The following ACADVL variants were observed in gnomAD, a reference collection of about 807,000 sequenced individuals.
ACADVL encodes very long-chain acyl-CoA dehydrogenase, mitochondrial.
In ACADVL, 73 loss-of-function variants were observed where a neutral mutation model predicts 80.4. The ratio of observed to expected loss-of-function variants is 0.91; its 90% CI spans 0.75 to 1.10. The LOEUF (loss-of-function observed/expected upper bound fraction) is 1.10, where lower values mean the gene tolerates loss of function less well. Among genes scored for constraint, ACADVL ranks in the 50% least tolerant of loss-of-function variants. ACADVL has a pLI of 0.00. For missense variants in ACADVL, 878 were observed against 858.9 expected (o/e 1.02, Z -0.28); for synonymous variants, 392 against 326.5 (o/e 1.20, Z -2.16).
At chr17:7,221,882 A>AT in intron 7 of ACADVL, 70 bp from the exon 8 acceptor site, 2 of 1,611,832 alleles carry the variant, frequency 1.2e-6, no homozygotes, top group South Asian at 2.2e-5. Context: ...TGCTGGAGGG[A>AT]TGGGGAAGTG....
intron 9 of ACADVL, 51 bp downstream of exon 9, chr17:7,222,353 T>C: frequency 1.3e-6 from 2 of 1,599,994 alleles, no homozygotes; most frequent in African/African-American, 1.3e-5. Flanking sequence ...AGGACTGGGC[T>C]CCTGGGCAGA....
At chr17:7,217,622 A>C, upstream of ACADVL, 1 of 1,223,376 alleles carries the variant, frequency 8.2e-7, no homozygotes, top group Non-Finnish European at 1.1e-6. Context: ...AAGGGGAGAG[A>C]GGAGGAGAGA....
chr17:7,219,342 A>G, upstream of ACADVL: 1 of 944,108 alleles, frequency 1.1e-6, no homozygotes, highest in Non-Finnish European at 1.3e-6. Flanking sequence ...ACAGAAGGGA[A>G]TGTTCAGGAA....
At chr17:7,218,540 C>A (rs1180835885), upstream of ACADVL, 1 of 1,557,930 alleles carries the variant, frequency 6.4e-7, no homozygotes, top group South Asian at 1.2e-5. Flanking sequence ...GGGCTACTCA[C>A]CCAGCAAGGC....
chr17:7,224,779 G>T (rs370724587), intron 18 of ACADVL, 30 bp from the exon 19 acceptor site: 20 of 1,613,772 alleles, frequency 1.2e-5, no homozygotes, highest in Non-Finnish European at 1.6e-5. Context: ...AGCCGGCCCA[G>T]ATTTATTTTC....
rs1251002707 is a variant in ACADVL at position 7,220,055 on chromosome 17, GT to G, written c.62+10del. 5.6e-6 allele frequency: 9 copies of G among 1,602,336 alleles called. No individual in the cohort carries two copies. Among genetic ancestry groups the G allele is most frequent in the Non-Finnish European group, 5.9e-6 (7 of 1,178,712 alleles). On this transcript the variant is annotated intron_variant, in intron 1 of 19. Coordinates refer to ENST00000356839, the MANE Select transcript of ACADVL (RefSeq NM_000018.4). ...AGGCTCGGGGGCGGAAGGTCTGTGTGTGACAAGAGGGACGGTGGGCAGCGGC... is the reference window on the plus strand; with the variant it reads ...AGGCTCGGGGGCGGAAGGTCTGTGTGGACAAGAGGGACGGTGGGCAGCGGC...
Position 7,220,904 on chromosome 17 carries a change from G to A in ACADVL, c.343-20G>A, listed in dbSNP as rs2071179689. ...TAAGCTCAAAAGGAGCCTGGATGTG[G>A]GATCCTGTGCCTTCCCCAGGAAGTG... On this transcript the variant is annotated intron_variant, in intron 5 of 19. Transcript: ENST00000356839. 6 of 1,614,092 alleles carry A rather than the reference G, an allele frequency of 3.7e-6. No homozygotes were observed. The highest frequency in any genetic ancestry group is 5.1e-6 in the Non-Finnish European group (6 of 1,180,036).
At position 7,219,980 on chromosome 17, in the gene ACADVL, C is replaced by A; in HGVS notation, c.-5C>A. On this transcript the variant is annotated 5_prime_UTR_variant, in exon 1 of 20. Coordinates refer to ENST00000356839, the MANE Select transcript of ACADVL (RefSeq NM_000018.4). ...CGAGCCAGCGGCGCCCGGAGAGATTCGGAGATGCAGGCGGCTCGGATGGCC... is the reference window on the plus strand; with the variant it reads ...CGAGCCAGCGGCGCCCGGAGAGATTAGGAGATGCAGGCGGCTCGGATGGCC... 6.2e-7 allele frequency: 1 copy of A among 1,601,512 alleles called. No individual in the cohort carries two copies. Among genetic ancestry groups the A allele is most frequent in the South Asian group, 1.1e-5 (1 of 89,502 alleles).
chr17:7,218,328 C>A, upstream of ACADVL: 1 of 1,572,902 alleles, frequency 6.4e-7, no homozygotes, highest in Non-Finnish European at 8.7e-7. Context: ...CAGGCCTCTC[C>A]AGGCACATCA....
At chr17:7,218,920 T>C, upstream of ACADVL, 1 of 1,561,308 alleles carries the variant, frequency 6.4e-7, no homozygotes, top group Non-Finnish European at 8.8e-7. Context: ...CCCACTAAAT[T>C]CCAGCTGTGA....
rs746782036 is a variant in ACADVL, at chr17:7,219,982, G to C, written c.-3G>C. ...AGCCAGCGGCGCCCGGAGAGATTCG[G>C]AGATGCAGGCGGCTCGGATGGCCGC... On this transcript the variant is annotated 5_prime_UTR_variant, in exon 1 of 20. Transcript: ENST00000356839. The C allele has an allele frequency of 3.7e-6, 6 of 1,602,156 alleles. No individual in the cohort carries two copies. Among genetic ancestry groups the C allele is most frequent in the Non-Finnish European group, 5.1e-6 (6 of 1,177,622 alleles).
At chr17:7,221,325 C>T in intron 6 of ACADVL, 2 of 935,932 alleles carry the variant, frequency 2.1e-6, no homozygotes, top group Non-Finnish European at 1.6e-6. Context: ...TAGCAAGTCA[C>T]CCTCCTACCT....
chr17:7,218,876 C>T, upstream of ACADVL: 1 of 1,613,074 alleles, frequency 6.2e-7, no homozygotes. Flanking sequence ...TTTAATCTCC[C>T]TAATCCTCCA....
chr17:7,220,135 G>A lies in ACADVL; in HGVS notation c.76G>A (p.Ala26Thr). Residue 26 changes from alanine to threonine, a missense_variant, in exon 2 of 20, where the codon GCG (alanine) becomes ACG (threonine). By Grantham distance (58) the Ala-to-Thr change is moderately conservative. Transcript: ENST00000356839. ...RLGGGSSRLT[A>T]LLGQPRPGPA... ...CACTCCCCACAGCTCGCGGCTCACG[G>A]CGCTCCTGGGGCAGCCCCGGCCCGG... 4 of 1,560,404 alleles carry A rather than the reference G, an allele frequency of 2.6e-6. No homozygotes were observed. The highest frequency in any genetic ancestry group is 3.4e-6 in the Non-Finnish European group (4 of 1,160,660).
Position 7,221,065 on chromosome 17 carries a change from G to A in ACADVL, c.477+7G>A, listed in dbSNP as rs1279805508. The A allele has an allele frequency of 6.2e-7, 1 of 1,613,094 alleles. No individual in the cohort carries two copies. Among genetic ancestry groups the A allele is most frequent in the Admixed American group, 1.7e-5 (1 of 60,014 alleles). On this transcript the variant is annotated splice_region_variant and intron_variant, in intron 6 of 19. Transcript: ENST00000356839. ...GGGCCTTTGCAACACCCAGGTGAGG[G>A]CGCCCTATCGCCACATCCCAGTATG...
chr17:7,218,403 C>T (rs895098930), upstream of ACADVL: 13 of 1,389,800 alleles, frequency 9.4e-6, no homozygotes, highest in African/African-American at 1.4e-5. Context: ...GGCTGGTCCA[C>T]ACTCATGGAG....
At chr17:7,217,576 C>T (rs1393358632), upstream of ACADVL, 20 of 1,323,084 alleles carry the variant, frequency 1.5e-5, no homozygotes, top group East Asian at 1.3e-4. Context: ...GGGTTGGAAA[C>T]GGCAGCGGCC....
chr17:7,218,664 G>A (rs1177121262), upstream of ACADVL: 5 of 1,553,240 alleles, frequency 3.2e-6, no homozygotes, highest in Non-Finnish European at 4.4e-6. Flanking sequence ...GGAGAATTGG[G>A]ACAGGGAAGA....
chr17:7,225,227 A>AGG lies in ACADVL; in HGVS notation c.*130_*131insGG. ...CAGCACTGTGCCTGCTCTCAAGAGC[A>AGG]CTTACTGCCTCGCAAATAATAAAAA... On this transcript the variant is annotated 3_prime_UTR_variant, in exon 20 of 20. Transcript: ENST00000356839. 1.6e-6 allele frequency: 2 copies of AGG among 1,262,476 alleles called. No individual in the cohort carries two copies. Among genetic ancestry groups the AGG allele is most frequent in the Non-Finnish European group, 2.2e-6 (2 of 889,336 alleles). The allele number at this position is 1,262,476 out of a possible 1,614,324, so 78.2% of individuals were successfully genotyped here. A position where few individuals can be genotyped will look rare whatever the true frequency, so the allele number is the denominator to read the frequency against.
Sources: allele counts gnomAD v4.1 joint callset, GRCh38; gene constraint gnomAD v4.1.1; transcripts MANE v1.5; gene names NCBI Gene and HGNC (gene_info 2026-07-23, HGNC 2026-07-21).